Variants in PHC3 observed in about 807,000 individuals in gnomAD.
PHC3 encodes polyhomeotic-like protein 3.
Under a neutral mutation model 107.4 loss-of-function variants are expected in PHC3, and 13 were observed. The observed-to-expected ratio is 0.12, with a 90% confidence interval of 0.08 to 0.19. The LOEUF (loss-of-function observed/expected upper bound fraction) is 0.19. Ranked by LOEUF, PHC3 falls within the 10% of genes least tolerant of loss-of-function variation. PHC3 has a pLI of 1.00. For missense variants in PHC3, 992 were observed against 1,210.9 expected (o/e 0.82, Z 2.68); for synonymous variants, 456 against 427.4 (o/e 1.07, Z -0.83).
rs1725482607 is a variant in PHC3 at position 170,149,080 on chromosome 3, T to C, written c.573+6A>G. The C allele has an allele frequency of 3.7e-6, 6 of 1,611,450 alleles. No homozygotes were observed. The highest frequency in any genetic ancestry group is 5.1e-6 in the Non-Finnish European group (6 of 1,179,048). On this transcript the variant is annotated splice_donor_region_variant and intron_variant, in intron 5 of 14. Coordinates refer to ENST00000495893, the MANE Select transcript of PHC3 (RefSeq NM_024947.4). ...CACTGAAAAAATTTGGTAGCTCATA[T>C]CTTACCATTTGAGCTCGGAGATACA...
intron 11 of PHC3, among the ~76,000 whole-genome samples, chr3:170,111,532 G>A (rs927126251): frequency 5.3e-5 from 8 of 152,134 alleles, no homozygotes; most frequent in African/African-American, 1.9e-4. Context: ...AGCTACTGTG[G>A]CAAAATAATG....
intron 4 of PHC3, among the ~76,000 whole-genome samples, chr3:170,163,461 A>AAAGAGTGTGT (rs1172447246): frequency 2.7e-5 from 4 of 146,318 alleles, no homozygotes; most frequent in African/African-American, 1.0e-4. Context: ...TTTAGTAAAG[A>AAAGAGTGTGT]GTGTGTGTGT....
At chr3:170,133,685 A>T (rs1354593654) in intron 7 of PHC3, among the ~76,000 whole-genome samples, 1 of 152,186 alleles carries the variant, frequency 6.6e-6, no homozygotes, top group Non-Finnish European at 1.5e-5. Flanking sequence ...TTGGACTTAA[A>T]ACTGACCTGA....
intron 7 of PHC3, 134 bp from the exon 8 acceptor site, chr3:170,129,686 G>C: frequency 1.0e-6 from 1 of 965,186 alleles, no homozygotes; most frequent in Non-Finnish European, 1.5e-6. Context: ...CCAAACAAGA[G>C]TAATTTGAAA....
intron 4 of PHC3, among the ~76,000 whole-genome samples, chr3:170,151,614 C>T (rs911401835): frequency 6.6e-6 from 1 of 152,142 alleles, no homozygotes; most frequent in African/African-American, 2.4e-5. Context: ...GGGAGGGCTA[C>T]AAGTCAAATC....
chr3:170,176,414 G>T (rs1351401194), intron 2 of PHC3, among the ~76,000 whole-genome samples: 2 of 152,056 alleles, frequency 1.3e-5, no homozygotes, highest in Non-Finnish European at 2.9e-5. Context: ...ATTATACTGG[G>T]GTATCCACCA....
chr3:170,158,513 A>T (rs947007195), intron 4 of PHC3, among the ~76,000 whole-genome samples: 2 of 151,948 alleles, frequency 1.3e-5, no homozygotes, highest in African/African-American at 4.8e-5. Context: ...GAGGCAGGAG[A>T]AATCGCTTGA....
At chr3:170,150,194 G>A (rs756899516) in intron 4 of PHC3, among the ~76,000 whole-genome samples, 64 of 152,158 alleles carry the variant, frequency 4.2e-4, no homozygotes, top group African/African-American at 1.5e-3. Flanking sequence ...GTCACATTCT[G>A]AGGAGTTTGT....
chr3:170,102,651 T>C lies in PHC3; in HGVS notation c.2661A>G (p.Pro887=). Reference sequence around the variant, plus strand: ...TGCGCAGACGAGTTGTCATAGCAGATGGCACAGAATCTTCATGAGAAGCCA... The same window carrying C: ...TGCGCAGACGAGTTGTCATAGCAGACGGCACAGAATCTTCATGAGAAGCCA... ...EDLASHEDSV[P]SAMTTRLRRQ... The change falls in exon 14 of 15, where the codon CCA becomes CCG. Residue 887 remains proline, a synonymous_variant. Transcript: ENST00000495893. 6.2e-7 allele frequency: 1 copy of C among 1,613,988 alleles called. No homozygotes were observed. The highest frequency in any genetic ancestry group is 1.1e-5 in the South Asian group (1 of 91,086).
chr3:170,119,335 G>T (rs1274684430), intron 9 of PHC3, among the ~76,000 whole-genome samples: 1 of 152,140 alleles, frequency 6.6e-6, no homozygotes, highest in African/African-American at 2.4e-5. Context: ...TTAGAGATAA[G>T]AGATACTTTA....
chr3:170,099,667 T>C lies in PHC3; in HGVS notation c.2834-2283A>G, dbSNP rs115740483. On this transcript the variant is annotated intron_variant, in intron 14 of 14. Transcript: ENST00000495893. ...CTGCACATGGGTCCCAACTGATCTT[T>C]CAAGTGTCTGGCATCACTTCTCCAG... 8.2e-3 allele frequency among the ~76,000 whole-genome samples: 1,247 copies of C among 152,232 alleles called. 19 individuals carry two copies. Among genetic ancestry groups the C allele is most frequent in the African/African-American group, 0.028 (1,181 of 41,542 alleles).
In PHC3 at chr3:170,126,822, T is replaced by C. The variant is rs528821229; in HGVS notation, c.1788+1862A>G. ...TCCCAAAGTGCTGGGATTAGAGGTG[T>C]GAGGCACCACACCCAGCCTTATATT... On this transcript the variant is annotated intron_variant, in intron 8 of 14. Coordinates refer to ENST00000495893, the MANE Select transcript of PHC3 (RefSeq NM_024947.4). 2.0e-5 allele frequency among the ~76,000 whole-genome samples: 3 copies of C among 152,126 alleles called. No individual in the cohort carries two copies. The South Asian group carries it at 6.2e-4, about 32-fold the overall frequency.
chr3:170,176,814 A>G (rs1730556146), intron 2 of PHC3: 1 of 431,600 alleles, frequency 2.3e-6, no homozygotes, highest in Non-Finnish European at 4.6e-6. Context: ...CATTAATCTC[A>G]AAGATACTTC....
In PHC3 at chr3:170,126,484, C is replaced by G. The variant is rs1577069344; in HGVS notation, c.1788+2200G>C. Among the ~76,000 whole-genome samples the G allele has an allele frequency of 2.2e-5, 3 of 134,864 alleles. No homozygotes were observed. The South Asian group carries it at 7.0e-4, about 32-fold the overall frequency. The allele number at this position is 134,864 out of a possible 152,430, so 88.5% of individuals were successfully genotyped here. A position where few individuals can be genotyped will look rare whatever the true frequency, so the allele number is the denominator to read the frequency against. ...ACAAAATATTTTTGGCTTTAGTTTT[C>G]AAAGTATTATGCTCCATATGTATAT... is the stretch of plus-strand genomic sequence containing the variant. On this transcript the variant is annotated intron_variant, in intron 8 of 14. Coordinates refer to ENST00000495893, the MANE Select transcript of PHC3 (RefSeq NM_024947.4).
At chr3:170,123,362 C>CACACACACA (rs1720720866) in intron 8 of PHC3, among the ~76,000 whole-genome samples, 1 of 151,794 alleles carries the variant, frequency 6.6e-6, no homozygotes. Context: ...TGCATACACA[C>CACACACACA]ACACACACAC....
intron 6 of PHC3, among the ~76,000 whole-genome samples, chr3:170,144,268 G>A (rs1577142750): frequency 6.6e-6 from 1 of 151,784 alleles, no homozygotes; most frequent in Non-Finnish European, 1.5e-5. Flanking sequence ...TTGAACACAG[G>A]AGGTGGAGGT....
Position 170,113,342 on chromosome 3 carries a change from TAAGTG to T in PHC3, c.2353+13_2353+17del, listed in dbSNP as rs1480890327. On this transcript the variant is annotated intron_variant, in intron 11 of 14. Transcript: ENST00000495893. The stretch of plus-strand genomic sequence containing the variant: ...GTCAAAGTTAAATTAAAGGGTATCT[TAAGTG>T]AAACCCACAAACCTTCAGCAATCAT... 1 of 1,586,954 alleles carries T rather than the reference TAAGTG, an allele frequency of 6.3e-7. No individual in the cohort carries two copies. Among genetic ancestry groups the T allele is most frequent in the East Asian group, 2.3e-5 (1 of 44,188 alleles).
At chr3:170,129,634 T>C in intron 7 of PHC3, 82 bp from the exon 8 acceptor site, 1 of 1,276,356 alleles carries the variant, frequency 7.8e-7, no homozygotes, top group Non-Finnish European at 1.1e-6. Flanking sequence ...AAAGTGTTCA[T>C]TATCAGAAGG....
intron 3 of PHC3, among the ~76,000 whole-genome samples, chr3:170,172,317 A>G (rs1314206516): frequency 6.6e-6 from 1 of 152,248 alleles, no homozygotes; most frequent in African/African-American, 2.4e-5. Context: ...AAACTAGCAT[A>G]GCATTTCTTC....
Sources: gnomAD v4.1 joint callset for allele counts (sites outside exome capture counted in the v4.1 genomes callset) on GRCh38, gnomAD v4.1.1 for gene constraint, MANE v1.5 for transcripts, NCBI Gene and HGNC (gene_info 2026-07-23, HGNC 2026-07-21) for gene names.